The following NCEH1 variants were observed in gnomAD, a reference collection of about 807,000 sequenced individuals.
NCEH1 encodes the protein neutral cholesterol ester hydrolase 1.
In NCEH1, 9 loss-of-function variants were observed where a neutral mutation model predicts 25.4. The ratio of observed to expected loss-of-function variants is 0.35; its 90% CI spans 0.21 to 0.62. NCEH1 has a LOEUF of 0.62. NCEH1 is among the 20% of genes least tolerant of loss of function. The pLI is 0.72. For synonymous variants in NCEH1, 200 were observed against 199.8 expected, an observed-to-expected ratio of 1.00 and a Z score of -0.01; for missense variants, 412 against 501.1, an observed-to-expected ratio of 0.82 and a Z score of 1.70.
rs1716379988 is a variant in NCEH1, at chr3:172,632,031, A to G, written c.*1444T>C. On this transcript the variant is annotated 3_prime_UTR_variant, in exon 5 of 5. Coordinates refer to ENST00000475381, the MANE Select transcript of NCEH1 (RefSeq NM_020792.6). ...TGTTGAAACTTCCAGACCTGGCTGG[A>G]AGGAGGAGATGGGGGATCTAGGCAA... The G allele has an allele frequency of 6.6e-6, 1 of 152,636 alleles. No homozygotes were observed. The highest frequency in any genetic ancestry group is 1.5e-5 in the Non-Finnish European group (1 of 68,046). The allele number at this position is 152,636 out of a possible 1,614,324, so 9.5% of individuals were successfully genotyped here.
intron 1 of NCEH1, among the ~76,000 whole-genome samples, chr3:172,694,306 A>C (rs1650439589): frequency 6.6e-6 from 1 of 152,208 alleles, no homozygotes; most frequent in African/African-American, 2.4e-5. Flanking sequence ...AAGAGTCCAG[A>C]CTGTAAAATA....
At chr3:172,707,158 A>G (rs1294154126) in intron 1 of NCEH1, among the ~76,000 whole-genome samples, 3 of 152,098 alleles carry the variant, frequency 2.0e-5, no homozygotes, top group Non-Finnish European at 2.9e-5. Flanking sequence ...CTGCACTGAG[A>G]TTACCATTTA....
intron 1 of NCEH1, among the ~76,000 whole-genome samples, chr3:172,660,649 C>T (rs891515404): frequency 1.3e-5 from 2 of 152,170 alleles, no homozygotes; most frequent in Non-Finnish European, 2.9e-5. Flanking sequence ...TGTTTCCTGA[C>T]TTTGTGATGA....
intron 1 of NCEH1, among the ~76,000 whole-genome samples, chr3:172,657,509 T>TTCTACCCCAGC (rs1484056054): frequency 6.6e-6 from 1 of 152,168 alleles, no homozygotes; most frequent in Non-Finnish European, 1.5e-5. Context: ...TCTGACCAAG[T>TTCTACCCCAGC]TCTACCCCAG....
At chr3:172,651,448 T>G (rs2108499351) in intron 1 of NCEH1, among the ~76,000 whole-genome samples, 1 of 152,190 alleles carries the variant, frequency 6.6e-6, no homozygotes, top group Admixed American at 6.5e-5. Context: ...ATAAATTCAG[T>G]AGCCACACCT....
intron 1 of NCEH1, among the ~76,000 whole-genome samples, chr3:172,651,326 T>C (rs373060548): frequency 6.6e-6 from 1 of 152,218 alleles, no homozygotes; most frequent in Non-Finnish European, 1.5e-5. Flanking sequence ...AACATTTGCA[T>C]GTCTATATGA....
At chr3:172,701,243 T>C (rs1422183138) in intron 1 of NCEH1, among the ~76,000 whole-genome samples, 1 of 152,140 alleles carries the variant, frequency 6.6e-6, no homozygotes, top group Non-Finnish European at 1.5e-5. Flanking sequence ...CACCCTCAGA[T>C]CTGCTCTTGC....
Position 172,710,939 on chromosome 3 carries a change from C to A in NCEH1, c.46G>T (p.Ala16Ser). Residue 16 changes from alanine (A) to serine (S), a missense_variant, in exon 1 of 5, where the codon GCC becomes TCC. Coordinates refer to ENST00000475381, the MANE Select transcript of NCEH1 (RefSeq NM_020792.6). ...VLLTALVALA[A>S]YYVYIPLPGS... ...GGCAGCGGGATGTAGACGTAATAGG[C>A]GGCCAGCGCCACCAGGGCGGTGAGC... is the stretch of plus-strand genomic sequence containing the variant. 6.2e-7 allele frequency: 1 copy of A among 1,614,156 alleles called. No individual in the cohort carries two copies. The highest frequency in any genetic ancestry group is 1.1e-5 in the South Asian group (1 of 91,080).
chr3:172,671,750 A>G (rs1265148127), intron 1 of NCEH1, among the ~76,000 whole-genome samples: 3 of 152,046 alleles, frequency 2.0e-5, no homozygotes, highest in Admixed American at 6.6e-5. Context: ...ACATACACAC[A>G]TGCACACAGG....
At chr3:172,683,827 CT>C (rs1712545654) in intron 1 of NCEH1, among the ~76,000 whole-genome samples, 1 of 152,166 alleles carries the variant, frequency 6.6e-6, no homozygotes, top group African/African-American at 2.4e-5. Context: ...CTCTTAGCTT[CT>C]TTGTAGGTTT....
At chr3:172,635,341 G>A (rs934744397) in intron 4 of NCEH1, among the ~76,000 whole-genome samples, 12 of 152,222 alleles carry the variant, frequency 7.9e-5, no homozygotes, top group African/African-American at 2.4e-4. Context: ...ATCCATAACA[G>A]GAAGAAAATG....
chr3:172,673,230 T>C (rs1436815074), intron 1 of NCEH1, among the ~76,000 whole-genome samples: 3 of 152,194 alleles, frequency 2.0e-5, no homozygotes, highest in Non-Finnish European at 4.4e-5. Flanking sequence ...TTCCAAGCCA[T>C]TGTCATAGTA....
chr3:172,692,771 C>T (rs1713142795), intron 1 of NCEH1, among the ~76,000 whole-genome samples: 1 of 152,100 alleles, frequency 6.6e-6, no homozygotes, highest in Non-Finnish European at 1.5e-5. Flanking sequence ...TTAAAAGTGA[C>T]CAAAATTAAA....
At chr3:172,641,015 G>C (rs1363029823) in intron 3 of NCEH1, among the ~76,000 whole-genome samples, 5 of 152,052 alleles carry the variant, frequency 3.3e-5, no homozygotes, top group Non-Finnish European at 7.4e-5. Flanking sequence ...CTGTGCTCGA[G>C]GGGAAGGAAT....
intron 1 of NCEH1, among the ~76,000 whole-genome samples, chr3:172,678,925 C>T (rs1234436986): frequency 2.0e-5 from 3 of 152,168 alleles, no homozygotes; most frequent in African/African-American, 7.2e-5. Flanking sequence ...ATTTTTACTT[C>T]CTGCAGAAAG....
chr3:172,685,804 G>A (rs932719712), intron 1 of NCEH1, among the ~76,000 whole-genome samples: 5 of 152,138 alleles, frequency 3.3e-5, no homozygotes, highest in African/African-American at 4.8e-5. Context: ...AGACAAGTAC[G>A]ACAACCAGAT....
intron 1 of NCEH1, among the ~76,000 whole-genome samples, chr3:172,688,643 TGAAA>T (rs1418670430): frequency 1.3e-5 from 2 of 152,184 alleles, no homozygotes. Context: ...TATCTTTATA[TGAAA>T]GAAAGTCCAA....
intron 1 of NCEH1, among the ~76,000 whole-genome samples, chr3:172,689,830 C>A (rs928154445): frequency 3.3e-5 from 5 of 151,564 alleles, no homozygotes; most frequent in East Asian, 3.9e-4. Context: ...TAGCCACTTG[C>A]CAGCTGTATG....
rs534161552 is a variant in NCEH1 at position 172,633,056 on chromosome 3, TTAACTC to T, written c.*413_*418del. 2.4e-3 allele frequency: 438 copies of T among 178,892 alleles called. 1 individual carries two copies. Among genetic ancestry groups the T allele is most frequent in the Non-Finnish European group, 3.7e-3 (316 of 84,448 alleles). 11.1% of individuals were successfully genotyped at this position (178,892 alleles called of 1,614,324 possible). On this transcript the variant is annotated 3_prime_UTR_variant, in exon 5 of 5. Transcript: ENST00000475381. ...ATTTAATACTGCTCTGAACTCAAGGTTAACTCTAGCAGAATTAAGGAGTCCTCGTTT... is the reference window on the plus strand; with the variant it reads ...ATTTAATACTGCTCTGAACTCAAGGTTAGCAGAATTAAGGAGTCCTCGTTT...
Sources: gnomAD v4.1 joint callset for allele counts (sites outside exome capture counted in the v4.1 genomes callset) on GRCh38, gnomAD v4.1.1 for gene constraint, MANE v1.5 for transcripts, NCBI Gene and HGNC (gene_info 2026-07-23, HGNC 2026-07-21) for gene names.